The following SFXN5 variants were observed in gnomAD, a reference collection of about 807,000 sequenced individuals.
SFXN5 encodes the protein sideroflexin-5.
A neutral mutation model predicts 50.2 loss-of-function variants in SFXN5; 43 were observed. The ratio of observed to expected loss-of-function variants is 0.86; its 90% CI spans 0.67 to 1.11. The LOEUF is 1.11. Ranked by LOEUF, SFXN5 falls within the 50% of genes least tolerant of loss-of-function variation. SFXN5 has a pLI of 0.00. For missense variants in SFXN5, 463 were observed against 454.1 expected (o/e 1.02, Z -0.18); for synonymous variants, 203 against 185.8 (o/e 1.09, Z -0.75).
rs530215218 is a variant in SFXN5, at chr2:72,991,539, T to C, written c.535-3191A>G. Among the ~76,000 whole-genome samples, 397 of 152,278 alleles carry C rather than the reference T, an allele frequency of 2.6e-3. 3 individuals are homozygous for C. Among genetic ancestry groups the C allele is most frequent in the African/African-American group, 9.1e-3 (379 of 41,552 alleles). On this transcript the variant is annotated intron_variant, in intron 9 of 13. Transcript: ENST00000272433. ...AGGGCGTGGACACGGAAAAGGCAAA[T>C]GGCCACTTACCCTCACCCCTTCCCA...
chr2:72,957,375 G>A (rs768547182), intron 13 of SFXN5, among the ~76,000 whole-genome samples: 1 of 152,154 alleles, frequency 6.6e-6, no homozygotes, highest in African/African-American at 2.4e-5. Flanking sequence ...TTAATAAGCA[G>A]AACTACTAAT....
At chr2:72,986,948 T>C (rs923992924) in intron 10 of SFXN5, among the ~76,000 whole-genome samples, 1 of 152,226 alleles carries the variant, frequency 6.6e-6, no homozygotes. Flanking sequence ...TAGCAGAAGC[T>C]TGCAGGCTTC....
intron 11 of SFXN5, 77 bp from the exon 12 acceptor site, chr2:72,968,610 T>TG: frequency 7.3e-7 from 1 of 1,365,864 alleles, no homozygotes; most frequent in Non-Finnish European, 1.0e-6. Context: ...GAGCCCTAGG[T>TG]GTGTGCCACC....
At chr2:72,978,504 A>G (rs1427893905) in intron 10 of SFXN5, among the ~76,000 whole-genome samples, 2 of 152,098 alleles carry the variant, frequency 1.3e-5, no homozygotes, top group African/African-American at 4.8e-5. Context: ...GCTGGTCTTG[A>G]ACTCCTGACC....
intron 5 of SFXN5, among the ~76,000 whole-genome samples, chr2:73,021,800 GC>G: frequency 6.6e-6 from 1 of 152,196 alleles, no homozygotes; most frequent in Non-Finnish European, 1.5e-5. Context: ...GGAGGCGTCA[GC>G]ACACCCATGA....
At chr2:73,030,595 C>T (rs924860606) in intron 3 of SFXN5, among the ~76,000 whole-genome samples, 1 of 152,142 alleles carries the variant, frequency 6.6e-6, no homozygotes, top group Non-Finnish European at 1.5e-5. Context: ...ATCTCCAAAA[C>T]ACTGCCAGCT....
At chr2:73,069,147 G>A (rs996978765) in intron 1 of SFXN5, among the ~76,000 whole-genome samples, 1 of 152,116 alleles carries the variant, frequency 6.6e-6, no homozygotes, top group East Asian at 1.9e-4. Flanking sequence ...GCCATTGGAG[G>A]GTATTTAAAT....
intron 5 of SFXN5, among the ~76,000 whole-genome samples, chr2:73,021,291 T>G (rs1676856775): frequency 6.6e-6 from 1 of 152,114 alleles, no homozygotes; most frequent in East Asian, 1.9e-4. Context: ...TAGACCAGCC[T>G]GGCCAACATG....
intron 1 of SFXN5, chr2:73,070,761 G>T: frequency 6.6e-6 from 1 of 152,484 alleles, no homozygotes; most frequent in Non-Finnish European, 1.5e-5. Flanking sequence ...CCCTGTCGCC[G>T]TGCCCCGAAG....
chr2:72,995,943 C>T (rs62147722), intron 9 of SFXN5, among the ~76,000 whole-genome samples: 22,059 of 152,174 alleles, frequency 0.14, 1,867 homozygotes, highest in East Asian at 0.33. Flanking sequence ...GGGACGCCGC[C>T]ACCACTAGGA....
At chr2:73,047,282 A>ACAC (rs1680585153) in intron 2 of SFXN5, among the ~76,000 whole-genome samples, 1 of 64,990 alleles carries the variant, frequency 1.5e-5, no homozygotes. Flanking sequence ...ATATACACAC[A>ACAC]TATATATATA....
chr2:72,947,808 A>T (rs1672126619), intron 13 of SFXN5, among the ~76,000 whole-genome samples: 2 of 150,892 alleles, frequency 1.3e-5, no homozygotes, highest in Admixed American at 6.6e-5. Flanking sequence ...TTCTCAAACC[A>T]CCTTCTCCCA....
intron 6 of SFXN5, among the ~76,000 whole-genome samples, chr2:73,010,160 T>G (rs552219036): frequency 6.6e-6 from 1 of 152,376 alleles, no homozygotes; most frequent in African/African-American, 2.4e-5. Flanking sequence ...TCTTTCTTAC[T>G]AATAGAATCC....
Position 72,982,091 on chromosome 2 carries a change from A to C in SFXN5, c.625+6167T>G, listed in dbSNP as rs554597111. Among the ~76,000 whole-genome samples, 20 of 152,292 alleles carry C rather than the reference A, an allele frequency of 1.3e-4. No individual in the cohort carries two copies. In the East Asian group the frequency reaches 3.7e-3, roughly 28 times the overall value. On this transcript the variant is annotated intron_variant, in intron 10 of 13. Coordinates refer to ENST00000272433, the MANE Select transcript of SFXN5 (RefSeq NM_144579.3). Reference sequence around the variant, plus strand: ...CACCCCTGATTGGGGCAGGAGGAACAGAGTGGAGCTGGAAGAGGATCAACA... The same window carrying C: ...CACCCCTGATTGGGGCAGGAGGAACCGAGTGGAGCTGGAAGAGGATCAACA...
intron 1 of SFXN5, among the ~76,000 whole-genome samples, chr2:73,069,042 T>C (rs1683382981): frequency 6.9e-6 from 1 of 145,842 alleles, no homozygotes; most frequent in African/African-American, 2.5e-5. Context: ...GGTGGGTGGG[T>C]GGTGGGATTC....
chr2:72,956,911 G>A (rs927345577), intron 13 of SFXN5: 5 of 402,990 alleles, frequency 1.2e-5, no homozygotes, highest in Admixed American at 2.6e-5. Flanking sequence ...ATACCATGTT[G>A]CCTCCTAGAC....
At chr2:72,988,425 G>A in intron 9 of SFXN5, 77 bp from the exon 10 acceptor site, 1 of 1,272,832 alleles carries the variant, frequency 7.9e-7, no homozygotes, top group Non-Finnish European at 1.1e-6. Flanking sequence ...GGCAGAACTG[G>A]AGGAACATCA....
intron 6 of SFXN5, among the ~76,000 whole-genome samples, chr2:73,012,543 T>C (rs987519558): frequency 2.0e-5 from 3 of 151,700 alleles, no homozygotes; most frequent in African/African-American, 2.4e-5. Context: ...GGCCAACTAT[T>C]GTTCATGTAT....
At chr2:73,038,485 T>TA (rs869138866) in intron 3 of SFXN5, among the ~76,000 whole-genome samples, 2 of 151,672 alleles carry the variant, frequency 1.3e-5, no homozygotes, top group East Asian at 1.9e-4. Context: ...AAATTTATTT[T>TA]AAAAAAAAAT....
Sources: gnomAD v4.1 joint callset for allele counts (sites outside exome capture counted in the v4.1 genomes callset) on GRCh38, gnomAD v4.1.1 for gene constraint, MANE v1.5 for transcripts, NCBI Gene and HGNC (gene_info 2026-07-23, HGNC 2026-07-21) for gene names.